Variants in SV2B observed in about 807,000 individuals in gnomAD.
SV2B encodes solute carrier family 22 member B2.
In SV2B, 41 loss-of-function variants were observed where a neutral mutation model predicts 73.9. That is an observed-to-expected ratio of 0.56 (90% CI 0.43 to 0.72). The LOEUF is 0.72. SV2B is among the 30% of genes least tolerant of loss of function. The pLI is 0.00. For missense variants in SV2B, 764 were observed against 857.8 expected, an observed-to-expected ratio of 0.89 and a Z score of 1.37; for synonymous variants, 314 against 314.2, an observed-to-expected ratio of 1.00 and a Z score of 0.01.
intron 1 of SV2B, among the ~76,000 whole-genome samples, chr15:91,204,069 G>T (rs749736660): frequency 5.3e-5 from 8 of 152,184 alleles, no homozygotes; most frequent in Non-Finnish European, 7.3e-5. Context: ...AGAAGTCTCT[G>T]TCAGATATTT....
rs771201166 is a variant in SV2B at position 91,284,028 on chromosome 15, C to T, written c.1515C>T (p.Tyr505=). The T allele has an allele frequency of 9.2e-5, 148 of 1,614,058 alleles. No individual in the cohort carries two copies. The highest frequency in any genetic ancestry group is 1.1e-4 in the Non-Finnish European group (126 of 1,180,036). The change falls in exon 11 of 13, where the codon TAC becomes TAT. Residue 505 remains tyrosine, a synonymous_variant. Transcript: ENST00000394232. This position sits in a 1 kb window ranked among gnomAD's most constrained non-coding sequence, Gnocchi z 4.5. ...GTTTCCTTCTCTCCCCAGACCTCTACGAGCACAAGTTCATCAACTGTCGGT... is the reference window on the plus strand; with the variant it reads ...GTTTCCTTCTCTCCCCAGACCTCTATGAGCACAAGTTCATCAACTGTCGGT... ...ESTIFYNTDL[Y]EHKFINCRFI... is the part of the protein sequence containing the mutation.
chr15:91,188,277 C>T (rs980387667), intron 1 of SV2B, among the ~76,000 whole-genome samples: 2 of 144,450 alleles, frequency 1.4e-5, no homozygotes, highest in Admixed American at 1.4e-4. Context: ...AAAGAATGTT[C>T]CTTATTTTTA....
rs753416115 is a variant in SV2B at position 91,266,637 on chromosome 15, C to G, written c.1064C>G (p.Ser355Ter). 1 of 1,614,120 alleles carries G rather than the reference C, an allele frequency of 6.2e-7. No homozygotes were observed. Among genetic ancestry groups the G allele is most frequent in the Admixed American group, 1.7e-5 (1 of 60,014 alleles). ...QMDEFIEIQS[S>*]TGTWYQRWLV... The stretch of plus-strand genomic sequence containing the variant: ...GATGAATTCATTGAGATCCAAAGTT[C>G]AACAGGAACCTGGTACCAGCGCTGG... The change falls in exon 7 of 13, where the codon TCA becomes TGA. Residue 355 changes from serine (S) to a stop codon, truncating the protein, a stop_gained. Coordinates refer to ENST00000394232, the MANE Select transcript of SV2B (RefSeq NM_001323032.3). LOFTEE classifies it high-confidence loss of function.
At chr15:91,154,959 C>T (rs1281855660) in intron 1 of SV2B, among the ~76,000 whole-genome samples, 1 of 152,156 alleles carries the variant, frequency 6.6e-6, no homozygotes, top group Non-Finnish European at 1.5e-5. Flanking sequence ...AACTTGTTTA[C>T]TGATGACTCA....
At chr15:91,209,105 C>G (rs2045749534) in intron 1 of SV2B, among the ~76,000 whole-genome samples, 2 of 137,904 alleles carry the variant, frequency 1.5e-5, no homozygotes, top group Non-Finnish European at 3.0e-5. Flanking sequence ...TGTGGCAGTA[C>G]TGTTTTTTGT....
chr15:91,264,812 A>G (rs1416273994), intron 6 of SV2B, among the ~76,000 whole-genome samples: 1 of 152,128 alleles, frequency 6.6e-6, no homozygotes, highest in African/African-American at 2.4e-5. Context: ...GCAGGCAGAA[A>G]TCAATGTGCG....
intron 1 of SV2B, among the ~76,000 whole-genome samples, chr15:91,143,109 G>A (rs1055043868): frequency 6.6e-6 from 1 of 152,176 alleles, no homozygotes; most frequent in East Asian, 1.9e-4. Flanking sequence ...GGACAGACCG[G>A]GTGGGTCCAC....
intron 1 of SV2B, among the ~76,000 whole-genome samples, chr15:91,152,101 A>G (rs1257880622): frequency 6.9e-6 from 1 of 145,924 alleles, no homozygotes; most frequent in Non-Finnish European, 1.5e-5. Flanking sequence ...AAGAGTGAGC[A>G]GCAGCAAGAT....
intron 1 of SV2B, among the ~76,000 whole-genome samples, chr15:91,206,233 G>A (rs554254148): frequency 6.3e-5 from 9 of 142,602 alleles, no homozygotes; most frequent in African/African-American, 2.4e-4. Context: ...TCAGATACAG[G>A]TTCTCTTTGT....
At position 91,252,374 on chromosome 15, in the gene SV2B, G is replaced by T; in HGVS notation, c.638G>T (p.Gly213Val). 1 of 1,609,968 alleles carries T rather than the reference G, an allele frequency of 6.2e-7. No homozygotes were observed. The highest frequency in any genetic ancestry group is 8.5e-7 in the Non-Finnish European group (1 of 1,178,102). The change falls in exon 4 of 13, where the codon GGG becomes GTG. Residue 213 changes from glycine (G) to valine (V), a missense_variant. By Grantham distance (109) the Gly-to-Val change is moderately radical (BLOSUM62 -3). Coordinates refer to ENST00000394232, the MANE Select transcript of SV2B (RefSeq NM_001323032.3). The surrounding 1 kb of genome is among the most constrained non-coding windows in gnomAD (Gnocchi z 4.6). ...CTGGCATTTTTCCTTTGCAGTATTG[G>T]GGGTGCTCTACCGATTGTTTTTGCC... is the stretch of plus-strand genomic sequence containing the variant. ...FCRLISGIGI[G>V]GALPIVFAYF...
intron 1 of SV2B, among the ~76,000 whole-genome samples, chr15:91,192,076 T>A (rs2045057732): frequency 6.6e-6 from 1 of 152,228 alleles, no homozygotes; most frequent in Non-Finnish European, 1.5e-5. Context: ...CCCACTATCA[T>A]ATTAGTATTG....
chr15:91,180,363 T>C (rs1413134903), intron 1 of SV2B, among the ~76,000 whole-genome samples: 1 of 151,994 alleles, frequency 6.6e-6, no homozygotes, highest in African/African-American at 2.4e-5. Flanking sequence ...AATCTGACAA[T>C]TATGTGTCTT....
chr15:91,111,539 G>T (rs2042035743), intron 1 of SV2B, among the ~76,000 whole-genome samples: 1 of 152,204 alleles, frequency 6.6e-6, no homozygotes, highest in Non-Finnish European at 1.5e-5. Flanking sequence ...AAAGCTATTG[G>T]ACAGGAGAGG....
intron 1 of SV2B, among the ~76,000 whole-genome samples, chr15:91,144,937 G>A (rs141978827): frequency 6.6e-6 from 1 of 151,408 alleles, no homozygotes; most frequent in East Asian, 1.9e-4. Context: ...AGCTTTAGCA[G>A]ATGTAGCAAT....
intron 1 of SV2B, among the ~76,000 whole-genome samples, chr15:91,113,496 G>T (rs1395304132): frequency 6.6e-6 from 1 of 152,206 alleles, no homozygotes; most frequent in Admixed American, 6.5e-5. Flanking sequence ...AGGATCCAGA[G>T]GCATGTTTCT....
chr15:91,271,178 T>C (rs1448752102), intron 9 of SV2B, among the ~76,000 whole-genome samples: 5 of 101,716 alleles, frequency 4.9e-5, no homozygotes, highest in African/African-American at 2.6e-4. Flanking sequence ...TAATGAATTT[T>C]GTGGATTCAG....
intron 1 of SV2B, among the ~76,000 whole-genome samples, chr15:91,148,050 G>A (rs1026554001): frequency 7.7e-6 from 1 of 129,254 alleles, no homozygotes; most frequent in African/African-American, 2.9e-5. Flanking sequence ...GTGCAATCTC[G>A]GCTCACTGCA....
At chr15:91,131,620 C>A (rs2042651443) in intron 1 of SV2B, among the ~76,000 whole-genome samples, 1 of 146,876 alleles carries the variant, frequency 6.8e-6, no homozygotes, top group Non-Finnish European at 1.5e-5. Context: ...GCCTGGGCAA[C>A]ATAGTGAGAC....
At position 91,115,742 on chromosome 15, in the gene SV2B, C is replaced by T. The variant is rs1009472131; in HGVS notation, c.-392+15379C>T. ...TTTTATAACCATCTCCTTGCTTGCC[C>T]TAGTCTTGCATTTTAAGAATTAAAC... On this transcript the variant is annotated intron_variant, in intron 1 of 12. Transcript: ENST00000394232. The surrounding 1 kb of genome is among the most constrained non-coding windows in gnomAD (Gnocchi z 4.3). Among the ~76,000 whole-genome samples the T allele has an allele frequency of 1.3e-5, 2 of 152,078 alleles. No individual in the cohort carries two copies. The highest frequency in any genetic ancestry group is 2.9e-5 in the Non-Finnish European group (2 of 68,030).
Sources: allele counts gnomAD v4.1 joint callset (sites outside exome capture counted in the v4.1 genomes callset), GRCh38; gene constraint gnomAD v4.1.1; non-coding constraint Gnocchi (gnomAD v3.1); transcripts MANE v1.5; gene names NCBI Gene and HGNC (gene_info 2026-07-23, HGNC 2026-07-21).